RAPGEF4: variants seen among roughly 807,000 people sequenced by gnomAD.
RAPGEF4 encodes the protein Rap guanine nucleotide exchange factor 4.
A neutral mutation model predicts 147.9 loss-of-function variants in RAPGEF4; 66 were observed. That is an observed-to-expected ratio of 0.45 (90% confidence interval 0.37 to 0.55). The LOEUF (loss-of-function observed/expected upper bound fraction) is 0.55, where lower values mean the gene tolerates loss of function less well. RAPGEF4 is among the 20% of genes least tolerant of loss of function. The probability of loss-of-function intolerance (pLI) is 0.00; values close to 1 mark genes in which losing one functional copy is unlikely to be tolerated. For missense variants in RAPGEF4, 1,071 were observed against 1,257.3 expected (o/e 0.85, Z 2.24); for synonymous variants, 419 against 442.7 (o/e 0.95, Z 0.67).
At chr2:172,999,293 A>G (rs903830069) in intron 16 of RAPGEF4, among the ~76,000 whole-genome samples, 1 of 152,168 alleles carries the variant, frequency 6.6e-6, no homozygotes, top group African/African-American at 2.4e-5. Flanking sequence ...TAAAGAACAA[A>G]CCAGTATCTT....
At chr2:172,834,524 T>C (rs2553002) in intron 4 of RAPGEF4, among the ~76,000 whole-genome samples, 148,149 of 152,324 alleles carry the variant, frequency 0.97, 72,178 homozygotes, top group East Asian at 1. Context: ...CTTTTCTGCA[T>C]GCTCTGAAAC....
chr2:172,805,554 G>A (rs547066364), intron 3 of RAPGEF4, among the ~76,000 whole-genome samples: 1 of 152,248 alleles, frequency 6.6e-6, no homozygotes, highest in East Asian at 1.9e-4. Flanking sequence ...CTTAACCCAA[G>A]GAAAAGAGCA....
intron 4 of RAPGEF4, among the ~76,000 whole-genome samples, chr2:172,858,161 C>A (rs1693653980): frequency 6.6e-6 from 1 of 152,110 alleles, no homozygotes; most frequent in Admixed American, 6.5e-5. Flanking sequence ...TTGAGCAATT[C>A]TTGTTTTTGA....
intron 27 of RAPGEF4, among the ~76,000 whole-genome samples, chr2:173,035,428 G>A (rs1169451294): frequency 1.3e-5 from 2 of 151,210 alleles, no homozygotes; most frequent in African/African-American, 2.4e-5. Context: ...GGAGAATGGC[G>A]TGAACTCGGG....
intron 15 of RAPGEF4, among the ~76,000 whole-genome samples, chr2:172,994,431 G>T (rs918784918): frequency 6.6e-6 from 1 of 152,164 alleles, no homozygotes; most frequent in Non-Finnish European, 1.5e-5. Flanking sequence ...TCATGTCAGA[G>T]GTCTCCCATT....
chr2:172,758,572 G>A (rs1267502113), intron 1 of RAPGEF4, among the ~76,000 whole-genome samples: 1 of 152,164 alleles, frequency 6.6e-6, no homozygotes, highest in Non-Finnish European at 1.5e-5. Flanking sequence ...CAGCAGTGAA[G>A]ATAATGAGAA....
chr2:172,765,048 T>C (rs181958185), intron 1 of RAPGEF4, among the ~76,000 whole-genome samples: 1 of 152,384 alleles, frequency 6.6e-6, no homozygotes, highest in Admixed American at 6.5e-5. Context: ...GTGTTTCTTC[T>C]GGAGACTTTA....
intron 1 of RAPGEF4, among the ~76,000 whole-genome samples, chr2:172,762,729 C>A (rs1015120869): frequency 6.6e-6 from 1 of 152,196 alleles, no homozygotes; most frequent in Non-Finnish European, 1.5e-5. Context: ...CTGCCTAACA[C>A]AAGGTCATAG....
chr2:172,893,632 T>C (rs1698172532), intron 4 of RAPGEF4: 1 of 152,204 alleles, frequency 6.6e-6, no homozygotes, highest in Admixed American at 6.5e-5. Context: ...GTGTACAAGA[T>C]ATTAGTCACT....
intron 6 of RAPGEF4, among the ~76,000 whole-genome samples, chr2:172,953,936 G>C (rs1442972091): frequency 6.6e-6 from 1 of 152,164 alleles, no homozygotes; most frequent in Non-Finnish European, 1.5e-5. Flanking sequence ...TACAGTCAGA[G>C]AACCTTACCC....
At chr2:173,041,407 A>G (rs1433772193) in intron 29 of RAPGEF4, among the ~76,000 whole-genome samples, 1 of 152,176 alleles carries the variant, frequency 6.6e-6, no homozygotes, top group African/African-American at 2.4e-5. Context: ...CAGATTTCCA[A>G]ACGGTATGCT....
intron 1 of RAPGEF4, among the ~76,000 whole-genome samples, chr2:172,769,268 A>G (rs1371342658): frequency 6.6e-6 from 1 of 152,212 alleles, no homozygotes; most frequent in East Asian, 1.9e-4. Context: ...AGTCACGAAA[A>G]GTATGAAACT....
chr2:172,961,167 G>A lies in RAPGEF4; in HGVS notation c.637G>A (p.Ala213Thr), dbSNP rs1301588120. Residue 213 changes from alanine (A) to threonine (T), a missense_variant, in exon 8 of 31, where the codon GCC (alanine) becomes ACC (threonine). Ala to Thr is a moderately conservative substitution (Grantham distance 58). Coordinates refer to ENST00000397081, the MANE Select transcript of RAPGEF4 (RefSeq NM_007023.4). ...CAGAGCTGGAAAAATTTTACGAAAT[G>A]CCATTCTCTCTCGAGCACCTCACAT... The part of the protein sequence containing the change: ...ILRAGKILRN[A>T]ILSRAPHMIR... The A allele has an allele frequency of 8.7e-6, 14 of 1,613,362 alleles. No individual in the cohort carries two copies. Among genetic ancestry groups the A allele is most frequent in the Non-Finnish European group, 1.1e-5 (13 of 1,179,282 alleles).
At chr2:173,041,491 C>G (rs1035587275) in intron 29 of RAPGEF4, among the ~76,000 whole-genome samples, 3 of 152,108 alleles carry the variant, frequency 2.0e-5, no homozygotes, top group African/African-American at 7.2e-5. Flanking sequence ...GAAAGTAACC[C>G]TGGGCCTTTA....
intron 12 of RAPGEF4, among the ~76,000 whole-genome samples, chr2:172,986,542 A>C (rs1365557792): frequency 1.3e-5 from 2 of 152,128 alleles, no homozygotes; most frequent in Non-Finnish European, 2.9e-5. Context: ...CTAATGACTT[A>C]TTCTTTTTTA....
At chr2:172,975,304 C>T (rs1690953883) in intron 10 of RAPGEF4, among the ~76,000 whole-genome samples, 2 of 152,172 alleles carry the variant, frequency 1.3e-5, no homozygotes, top group Non-Finnish European at 2.9e-5. Flanking sequence ...ACAAACAAAA[C>T]TTAATCACTA....
intron 16 of RAPGEF4, among the ~76,000 whole-genome samples, chr2:173,000,915 A>G (rs1693850144): frequency 6.6e-6 from 1 of 152,152 alleles, no homozygotes; most frequent in Non-Finnish European, 1.5e-5. Flanking sequence ...CAAATACGGT[A>G]TAGACAAAGA....
chr2:172,868,489 G>T (rs1289566271), intron 4 of RAPGEF4, among the ~76,000 whole-genome samples: 3 of 152,176 alleles, frequency 2.0e-5, no homozygotes, highest in African/African-American at 7.2e-5. Context: ...AAGGGAGACA[G>T]AGGGGAAGGA....
intron 3 of RAPGEF4, among the ~76,000 whole-genome samples, chr2:172,806,004 A>G (rs1687459675): frequency 7.1e-6 from 1 of 140,456 alleles, no homozygotes; most frequent in Non-Finnish European, 1.5e-5. Flanking sequence ...ATTGTATCAG[A>G]TATTATCCGG....
Sources: allele counts gnomAD v4.1 joint callset (sites outside exome capture counted in the v4.1 genomes callset), GRCh38; gene constraint gnomAD v4.1.1; transcripts MANE v1.5; gene names NCBI Gene and HGNC (gene_info 2026-07-23, HGNC 2026-07-21).